UBE2E2: variants seen among roughly 807,000 people sequenced by gnomAD.
UBE2E2 encodes the protein ubiquitin conjugating enzyme E2 E2.
A neutral mutation model predicts 24.7 loss-of-function variants in UBE2E2; 6 were observed. The observed-to-expected ratio is 0.24, with a 90% CI of 0.13 to 0.48. The LOEUF is 0.48. Ranked by LOEUF, UBE2E2 falls within the 20% of genes least tolerant of loss-of-function variation. The pLI, the probability that UBE2E2 is intolerant of heterozygous loss-of-function variation, is 0.99. For missense variants in UBE2E2, 169 were observed against 245.0 expected, an observed-to-expected ratio of 0.69 and a Z score of 2.07; for synonymous variants, 104 against 83.6, an observed-to-expected ratio of 1.24 and a Z score of -1.33.
At chr3:23,564,825 T>C (rs1696027820) in intron 5 of UBE2E2, among the ~76,000 whole-genome samples, 1 of 152,164 alleles carries the variant, frequency 6.6e-6, no homozygotes, top group Admixed American at 6.6e-5. Flanking sequence ...AGTAGTGTAA[T>C]ATAAATGTTG....
chr3:23,555,466 G>A (rs1467443126), intron 5 of UBE2E2, among the ~76,000 whole-genome samples: 1 of 152,098 alleles, frequency 6.6e-6, no homozygotes, highest in Non-Finnish European at 1.5e-5. Context: ...ACAGTATGGA[G>A]GTTCCTAAAG....
intron 5 of UBE2E2, among the ~76,000 whole-genome samples, chr3:23,543,212 C>A (rs1440418918): frequency 6.6e-6 from 1 of 152,096 alleles, no homozygotes; most frequent in Non-Finnish European, 1.5e-5. Context: ...CTAGCCAGAA[C>A]AATCATTCAA....
intron 5 of UBE2E2, among the ~76,000 whole-genome samples, chr3:23,586,564 C>G (rs1180019258): frequency 6.6e-6 from 1 of 152,112 alleles, no homozygotes; most frequent in Non-Finnish European, 1.5e-5. Context: ...TCCCAAAGTG[C>G]TGGGATTACA....
chr3:23,482,556 C>T (rs1329362127), intron 3 of UBE2E2, among the ~76,000 whole-genome samples: 4 of 152,050 alleles, frequency 2.6e-5, no homozygotes, highest in African/African-American at 9.7e-5. Context: ...TCCCTTTGAC[C>T]GAAAACCCAT....
At chr3:23,313,022 G>A (rs1694454984) in intron 3 of UBE2E2, among the ~76,000 whole-genome samples, 2 of 152,034 alleles carry the variant, frequency 1.3e-5, no homozygotes, top group Admixed American at 6.6e-5. Flanking sequence ...CATATGTTCT[G>A]TTCTTGAGAA....
intron 3 of UBE2E2, among the ~76,000 whole-genome samples, chr3:23,315,704 A>G (rs1022718496): frequency 6.6e-6 from 1 of 152,088 alleles, no homozygotes; most frequent in Non-Finnish European, 1.5e-5. Context: ...AGAGTCAAGT[A>G]TTTATTGTAG....
intron 5 of UBE2E2, among the ~76,000 whole-genome samples, chr3:23,544,867 G>A (rs1484511915): frequency 2.4e-3 from 325 of 134,164 alleles, no homozygotes; most frequent in South Asian, 6.7e-3. Context: ...CTCCGAGAGG[G>A]GGATGTGTCA....
rs148449203 is a variant in UBE2E2, at chr3:23,417,097, C to T, written c.228-82511C>T. Among the ~76,000 whole-genome samples, 121 of 152,182 alleles carry T rather than the reference C, an allele frequency of 8.0e-4. 1 individual carries two copies. Among genetic ancestry groups the T allele is most frequent in the East Asian group, 3.9e-3 (20 of 5,176 alleles). On this transcript the variant is annotated intron_variant, in intron 3 of 5. Transcript: ENST00000396703. ...CCGTCCAGTTTTGTTCCCTTGCTGGCGAGGAGTTGTGATCTTTTAGAGGAG... is the reference window on the plus strand; with the variant it reads ...CCGTCCAGTTTTGTTCCCTTGCTGGTGAGGAGTTGTGATCTTTTAGAGGAG...
chr3:23,468,129 C>T (rs192140351), intron 3 of UBE2E2, among the ~76,000 whole-genome samples: 1 of 152,258 alleles, frequency 6.6e-6, no homozygotes, highest in East Asian at 1.9e-4. Flanking sequence ...ATTCTTGCTC[C>T]ACATGGACCA....
intron 4 of UBE2E2, among the ~76,000 whole-genome samples, chr3:23,505,467 A>G (rs955994370): frequency 6.6e-6 from 1 of 152,178 alleles, no homozygotes; most frequent in Non-Finnish European, 1.5e-5. Flanking sequence ...CACAGGTTAG[A>G]CATGCTGTGT....
intron 3 of UBE2E2, among the ~76,000 whole-genome samples, chr3:23,307,065 G>A (rs548268219): frequency 9.5e-4 from 144 of 152,170 alleles, no homozygotes; most frequent in African/African-American, 3.3e-3. Flanking sequence ...TTTTTGGTAC[G>A]ATATTATTTA....
At chr3:23,393,906 G>A (rs1363111591) in intron 3 of UBE2E2, among the ~76,000 whole-genome samples, 12 of 152,136 alleles carry the variant, frequency 7.9e-5, no homozygotes, top group African/African-American at 2.9e-4. Context: ...ATCTGCTTTT[G>A]TACTACAATG....
chr3:23,546,392 C>T (rs905300570), intron 5 of UBE2E2, among the ~76,000 whole-genome samples: 1 of 151,498 alleles, frequency 6.6e-6, no homozygotes, highest in Non-Finnish European at 1.5e-5. Flanking sequence ...GAACTATTTG[C>T]CCAAGAAATG....
chr3:23,225,069 C>T (rs1696781269), intron 3 of UBE2E2, among the ~76,000 whole-genome samples: 1 of 151,022 alleles, frequency 6.6e-6, no homozygotes, highest in Non-Finnish European at 1.5e-5. Context: ...TTTTCATGTG[C>T]TTATTGTCCA....
chr3:23,445,717 G>A (rs1475245689), intron 3 of UBE2E2, among the ~76,000 whole-genome samples: 2 of 152,150 alleles, frequency 1.3e-5, no homozygotes, highest in Non-Finnish European at 2.9e-5. Flanking sequence ...ATGTGCCTGT[G>A]CCTAATCCCA....
chr3:23,248,066 G>T (rs377621477), intron 3 of UBE2E2, among the ~76,000 whole-genome samples: 1 of 152,126 alleles, frequency 6.6e-6, no homozygotes, highest in African/African-American at 2.4e-5. Flanking sequence ...AATCAATTTC[G>T]TCCTCATTTT....
At chr3:23,278,169 C>T (rs1698410651) in intron 3 of UBE2E2, among the ~76,000 whole-genome samples, 1 of 152,054 alleles carries the variant, frequency 6.6e-6, no homozygotes, top group South Asian at 2.1e-4. Context: ...TCTAAATCAA[C>T]ACTCATCAAA....
At chr3:23,384,248 G>A (rs918154966) in intron 3 of UBE2E2, among the ~76,000 whole-genome samples, 5 of 151,962 alleles carry the variant, frequency 3.3e-5, no homozygotes, top group African/African-American at 9.7e-5. Flanking sequence ...CTACAGCCTC[G>A]ACCTCCTGGG....
intron 3 of UBE2E2, among the ~76,000 whole-genome samples, chr3:23,300,356 T>C (rs1302397145): frequency 2.6e-5 from 4 of 152,204 alleles, no homozygotes; most frequent in Non-Finnish European, 5.9e-5. Context: ...TGCTCGATAG[T>C]TGATGCAGTT....
Sources: allele counts gnomAD v4.1 joint callset (sites outside exome capture counted in the v4.1 genomes callset), GRCh38; gene constraint gnomAD v4.1.1; transcripts MANE v1.5; gene names NCBI Gene and HGNC (gene_info 2026-07-23, HGNC 2026-07-21).